Variants in LUZP1 observed in about 807,000 individuals in gnomAD.
LUZP1 encodes filamin mechanobinding actin cross-linking protein.
In LUZP1, 25 loss-of-function variants were observed where a neutral mutation model predicts 71.3. The ratio of observed to expected loss-of-function variants is 0.35; its 90% CI spans 0.26 to 0.49. LUZP1 has a LOEUF of 0.49. LUZP1 is among the 20% of genes least tolerant of loss of function. LUZP1 has a pLI of 0.99. For missense variants in LUZP1, 1,142 were observed against 1,300.8 expected (o/e 0.88, Z 1.88); for synonymous variants, 481 against 506.4 (o/e 0.95, Z 0.67).
At chr1:23,174,556 A>G (rs1264100977) in intron 1 of LUZP1, among the ~76,000 whole-genome samples, 1 of 152,198 alleles carries the variant, frequency 6.6e-6, no homozygotes, top group East Asian at 1.9e-4. Flanking sequence ...CCTTCCAAAG[A>G]ATCACAATAT....
At chr1:23,114,363 T>C (rs1320138273) in intron 2 of LUZP1, among the ~76,000 whole-genome samples, 1 of 152,214 alleles carries the variant, frequency 6.6e-6, no homozygotes, top group Non-Finnish European at 1.5e-5. Flanking sequence ...TTTTCTGCCC[T>C]GTGCAGTCTC....
chr1:23,086,352 C>T (rs778569322), exon 5 of LUZP1: 1 of 152,624 alleles, frequency 6.6e-6, no homozygotes, highest in Non-Finnish European at 1.5e-5. Flanking sequence ...CCTGAAATAA[C>T]TGTTACAAGC....
chr1:23,107,204 T>C (rs1643989609), intron 3 of LUZP1, among the ~76,000 whole-genome samples: 1 of 152,192 alleles, frequency 6.6e-6, no homozygotes, highest in African/African-American at 2.4e-5. Flanking sequence ...CCTTCCTTGA[T>C]TGCTGTACAT....
Position 23,094,838 on chromosome 1 carries a change from T to C in LUZP1, c.-119-458A>G, listed in dbSNP as rs1643884454. On this transcript the variant is annotated intron_variant, in intron 3 of 4. Coordinates refer to ENST00000302291, the Ensembl canonical transcript of LUZP1. The surrounding 1 kb of genome is among the most constrained non-coding windows in gnomAD (Gnocchi z 4.7). ...ACAAAGCAATAAACAATCCTAAGATTTTTTTTTTTAAAGATTATCTCTTAT... is the reference window on the plus strand; with the variant it reads ...ACAAAGCAATAAACAATCCTAAGATCTTTTTTTTTAAAGATTATCTCTTAT... Among the ~76,000 whole-genome samples, 1 of 149,988 alleles carries C rather than the reference T, an allele frequency of 6.7e-6. No individual in the cohort carries two copies. Among genetic ancestry groups the C allele is most frequent in the Admixed American group, 6.6e-5 (1 of 15,110 alleles).
chr1:23,147,378 T>C (rs916897206), intron 2 of LUZP1, among the ~76,000 whole-genome samples: 12 of 150,644 alleles, frequency 8.0e-5, no homozygotes, highest in Non-Finnish European at 1.6e-4. Flanking sequence ...GAGGCAGAAG[T>C]TGCAGTGAGC....
chr1:23,100,517 A>G (rs1385220162), intron 3 of LUZP1, among the ~76,000 whole-genome samples: 1 of 152,212 alleles, frequency 6.6e-6, no homozygotes, highest in Non-Finnish European at 1.5e-5. Context: ...TCAAAAAACC[A>G]CAACACTCAC....
rs117592277 is a variant in LUZP1 at position 23,114,461 on chromosome 1, A to G, written c.-225-5334T>C. ...GGTATGGGGCTAAGGAAGTGCCAGC[A>G]GCTTGCTATGTATGAACCAACCTAG... On this transcript the variant is annotated intron_variant, in intron 2 of 4. Coordinates refer to ENST00000302291, the Ensembl canonical transcript of LUZP1. Among the ~76,000 whole-genome samples, 34 of 152,336 alleles carry G rather than the reference A, an allele frequency of 2.2e-4. 1 individual carries two copies. The East Asian group carries it at 6.6e-3, about 29-fold the overall frequency.
At chr1:23,109,344 A>T (rs764019867) in intron 2 of LUZP1, among the ~76,000 whole-genome samples, 4 of 152,176 alleles carry the variant, frequency 2.6e-5, no homozygotes, top group Non-Finnish European at 5.9e-5. Context: ...GCTGTAGGAG[A>T]CTTCCCCTTT....
chr1:23,105,993 G>GAT (rs1326094598), intron 3 of LUZP1, among the ~76,000 whole-genome samples: 1 of 151,986 alleles, frequency 6.6e-6, no homozygotes, highest in Non-Finnish European at 1.5e-5. Context: ...GAAATGCTCT[G>GAT]ATATATATAT....
At chr1:23,154,543 T>C (rs1458824491) in intron 2 of LUZP1, among the ~76,000 whole-genome samples, 9 of 145,492 alleles carry the variant, frequency 6.2e-5, no homozygotes, top group Admixed American at 5.8e-4. Context: ...TGTCTTCTTT[T>C]TCTTTTCTTT....
At chr1:23,119,137 C>G (rs1035647712) in intron 2 of LUZP1, among the ~76,000 whole-genome samples, 4 of 151,790 alleles carry the variant, frequency 2.6e-5, no homozygotes, top group Non-Finnish European at 4.4e-5. Flanking sequence ...TTTATACTTA[C>G]TATCCCTACT....
At chr1:23,105,241 T>C (rs1643971158) in intron 3 of LUZP1, among the ~76,000 whole-genome samples, 1 of 152,206 alleles carries the variant, frequency 6.6e-6, no homozygotes, top group Non-Finnish European at 1.5e-5. Context: ...AAAGATGACC[T>C]GGTCTGCCCA....
intron 2 of LUZP1, among the ~76,000 whole-genome samples, chr1:23,140,080 G>A (rs1644290580): frequency 6.6e-6 from 1 of 152,062 alleles, no homozygotes; most frequent in Non-Finnish European, 1.5e-5. Context: ...CAAGTTGAGG[G>A]ACCACCCTAC....
chr1:23,144,081 G>A (rs969692454), intron 2 of LUZP1, among the ~76,000 whole-genome samples: 1 of 152,202 alleles, frequency 6.6e-6, no homozygotes, highest in African/African-American at 2.4e-5. Context: ...CACATTTGCT[G>A]AAGACAGTGC....
chr1:23,100,546 T>G (rs1200500151), intron 3 of LUZP1, among the ~76,000 whole-genome samples: 1 of 152,206 alleles, frequency 6.6e-6, no homozygotes, highest in Non-Finnish European at 1.5e-5. Context: ...CAGCTCTAGT[T>G]ATCGGACCAA....
intron 1 of LUZP1, among the ~76,000 whole-genome samples, chr1:23,172,430 G>A (rs1644557580): frequency 6.6e-6 from 1 of 152,018 alleles, no homozygotes; most frequent in Admixed American, 6.6e-5. Context: ...TGGCCAAGGT[G>A]GGAAGATTAC....
At chr1:23,136,674 C>G (rs1331955210) in intron 2 of LUZP1, among the ~76,000 whole-genome samples, 1 of 151,854 alleles carries the variant, frequency 6.6e-6, no homozygotes, top group Non-Finnish European at 1.5e-5. Context: ...TTTGGGAGGC[C>G]GAGGCGGGTG....
At chr1:23,099,286 T>C (rs1049334683) in intron 3 of LUZP1, among the ~76,000 whole-genome samples, 2 of 152,254 alleles carry the variant, frequency 1.3e-5, no homozygotes, top group African/African-American at 4.8e-5. Context: ...CACACACCAA[T>C]TTTAAATGAG....
chr1:23,173,133 T>C (rs1176464027), intron 1 of LUZP1, among the ~76,000 whole-genome samples: 1 of 151,416 alleles, frequency 6.6e-6, no homozygotes, highest in Non-Finnish European at 1.5e-5. Context: ...GGCTCACACC[T>C]GTGGTCCTAG....
Sources: gnomAD v4.1 joint callset for allele counts (sites outside exome capture counted in the v4.1 genomes callset) on GRCh38, gnomAD v4.1.1 for gene constraint, Gnocchi (gnomAD v3.1) non-coding constraint, MANE v1.5 for transcripts, NCBI Gene and HGNC (gene_info 2026-07-23, HGNC 2026-07-21) for gene names.